The following SUSD5 variants were observed in gnomAD, a reference collection of about 807,000 sequenced individuals.
SUSD5 encodes sushi domain containing 5, also known as sushi domain-containing protein 5.
SUSD5 carries 33 observed loss-of-function variants against 29.5 expected under a neutral mutation model. That is an observed-to-expected ratio of 1.12 (90% CI 0.85 to 1.49). The LOEUF (loss-of-function observed/expected upper bound fraction) is 1.49. Ranked by LOEUF, SUSD5 falls within the 40% of genes most tolerant of loss-of-function variation. SUSD5 has a pLI of 0.00. For synonymous variants in SUSD5, 308 were observed against 325.3 expected, an observed-to-expected ratio of 0.95 and a Z score of 0.57; for missense variants, 776 against 800.6, an observed-to-expected ratio of 0.97 and a Z score of 0.37.
In SUSD5 at chr3:33,153,791, C is replaced by T. The variant is rs773419542; in HGVS notation, c.841G>A (p.Ala281Thr). Residue 281 changes from alanine (A) to threonine (T), a missense_variant, in exon 5 of 5, where the codon GCA becomes ACA. Coordinates refer to ENST00000309558, the MANE Select transcript of SUSD5 (RefSeq NM_015551.2). ...AGCAGCCGTGATCCTGGTGAATCTG[C>T]GGGGACACTGCTCCCAGCACCAGGC... ...GLPGAGSSVPADSPGSRLLQK... is the reference protein window; with the variant it reads ...GLPGAGSSVPTDSPGSRLLQK... 1.2e-5 allele frequency: 19 copies of T among 1,613,994 alleles called. No individual in the cohort carries two copies. Among genetic ancestry groups the T allele is most frequent in the Admixed American group, 8.3e-5 (5 of 60,016 alleles).
intron 3 of SUSD5, among the ~76,000 whole-genome samples, chr3:33,196,293 T>C (rs960752500): frequency 6.6e-6 from 1 of 152,212 alleles, no homozygotes; most frequent in African/African-American, 2.4e-5. Flanking sequence ...TGCCCACTAC[T>C]GACATAGCAA....
intron 4 of SUSD5, 29 bp downstream of exon 4, chr3:33,174,857 C>T (rs919713472): frequency 8.1e-6 from 13 of 1,610,188 alleles, no homozygotes; most frequent in East Asian, 2.2e-5. Context: ...CGTGGGCACG[C>T]GAAGGTGGCC....
chr3:33,169,670 T>C (rs2031381486), intron 4 of SUSD5, among the ~76,000 whole-genome samples: 1 of 152,246 alleles, frequency 6.6e-6, no homozygotes, highest in African/African-American at 2.4e-5. Flanking sequence ...AATGCCTAAC[T>C]GGGCAATGTG....
At chr3:33,187,773 A>G (rs1179974696) in intron 3 of SUSD5, among the ~76,000 whole-genome samples, 3 of 151,232 alleles carry the variant, frequency 2.0e-5, no homozygotes, top group East Asian at 1.9e-4. Flanking sequence ...ATTTAACGTT[A>G]GGTATATCTC....
At chr3:33,157,908 T>C (rs988403506) in intron 4 of SUSD5, among the ~76,000 whole-genome samples, 9 of 152,258 alleles carry the variant, frequency 5.9e-5, no homozygotes, top group Non-Finnish European at 1.2e-4. Context: ...AATAAATTGT[T>C]GTTTCATGCC....
intron 4 of SUSD5, among the ~76,000 whole-genome samples, chr3:33,165,019 C>A (rs557805600): frequency 1.2e-3 from 174 of 149,264 alleles, no homozygotes; most frequent in African/African-American, 4.1e-3. Flanking sequence ...TATGATCCAG[C>A]AATTCAACTC....
At chr3:33,199,542 G>C (rs1487668328) in intron 3 of SUSD5, among the ~76,000 whole-genome samples, 1 of 152,174 alleles carries the variant, frequency 6.6e-6, no homozygotes, top group Non-Finnish European at 1.5e-5. Flanking sequence ...CAAAGTGCTG[G>C]GATTACAGGC....
intron 3 of SUSD5, among the ~76,000 whole-genome samples, chr3:33,197,862 T>C (rs753761527): frequency 2.0e-5 from 3 of 152,236 alleles, no homozygotes; most frequent in Non-Finnish European, 4.4e-5. Flanking sequence ...TTTTGATCCA[T>C]TCATCAGTTG....
intron 3 of SUSD5, among the ~76,000 whole-genome samples, chr3:33,187,976 T>C (rs945947152): frequency 6.6e-6 from 1 of 152,172 alleles, no homozygotes; most frequent in Non-Finnish European, 1.5e-5. Context: ...AACACAGATT[T>C]AGGACCTGGG....
At chr3:33,182,968 T>C (rs1178141025) in intron 3 of SUSD5, among the ~76,000 whole-genome samples, 1 of 151,922 alleles carries the variant, frequency 6.6e-6, no homozygotes, top group East Asian at 1.9e-4. Flanking sequence ...TTGTATTTTT[T>C]TTTTTTTTAG....
intron 4 of SUSD5, among the ~76,000 whole-genome samples, chr3:33,156,541 G>A (rs1279978811): frequency 1.3e-5 from 2 of 152,202 alleles, no homozygotes; most frequent in Admixed American, 6.5e-5. Context: ...GAAGACAGCA[G>A]CAGCCCTTTG....
chr3:33,155,838 G>T (rs1427647510), intron 4 of SUSD5, among the ~76,000 whole-genome samples: 4 of 152,156 alleles, frequency 2.6e-5, no homozygotes, highest in Non-Finnish European at 5.9e-5. Flanking sequence ...TTAATCTATG[G>T]ATGTCGGAAC....
chr3:33,206,723 G>A (rs1211177991), intron 3 of SUSD5, among the ~76,000 whole-genome samples: 3 of 152,106 alleles, frequency 2.0e-5, no homozygotes, highest in Non-Finnish European at 4.4e-5. Context: ...GCAGCCAGAC[G>A]GTTTGTACTT....
intron 2 of SUSD5, 48 bp downstream of exon 2, chr3:33,213,880 G>T: frequency 6.5e-7 from 1 of 1,545,996 alleles, no homozygotes; most frequent in Non-Finnish European, 8.8e-7. Context: ...TATAAGCCTT[G>T]GTGGTGCAAC....
In SUSD5 at chr3:33,150,947, T is replaced by C. The variant is rs184060564; in HGVS notation, c.*1795A>G. The C allele has an allele frequency of 2.0e-4, 30 of 152,326 alleles. No individual in the cohort carries two copies. The highest frequency in any genetic ancestry group is 3.8e-4 in the Non-Finnish European group (26 of 68,028). 9.4% of individuals were successfully genotyped at this position (152,326 alleles called of 1,614,324 possible). On this transcript the variant is annotated 3_prime_UTR_variant, in exon 5 of 5. Transcript: ENST00000309558. ...TAACTATTTCTAAGAAGGTGATTCA[T>C]ATTAGAAAAATATAACATGTTTCAT...
At chr3:33,185,760 T>C (rs1247927039) in intron 3 of SUSD5, among the ~76,000 whole-genome samples, 2 of 152,230 alleles carry the variant, frequency 1.3e-5, no homozygotes, top group African/African-American at 2.4e-5. Flanking sequence ...ACATTAATAC[T>C]ATAATCTACT....
chr3:33,180,260 C>T (rs56068802), intron 3 of SUSD5, among the ~76,000 whole-genome samples: 23,216 of 152,130 alleles, frequency 0.15, 2,018 homozygotes, highest in South Asian at 0.26. Context: ...TGGGACAAGA[C>T]GTGAAGGTGT....
chr3:33,189,707 T>G (rs2031852993), intron 3 of SUSD5, among the ~76,000 whole-genome samples: 1 of 152,176 alleles, frequency 6.6e-6, no homozygotes, highest in South Asian at 2.1e-4. Context: ...AAAGAACCAT[T>G]TTAGATACAG....
chr3:33,184,787 T>C (rs2031744857), intron 3 of SUSD5, among the ~76,000 whole-genome samples: 3 of 152,220 alleles, frequency 2.0e-5, no homozygotes, highest in African/African-American at 7.2e-5. Flanking sequence ...TCTGTTGCTA[T>C]TACCCATCTG....
Sources: allele counts gnomAD v4.1 joint callset (sites outside exome capture counted in the v4.1 genomes callset), GRCh38; gene constraint gnomAD v4.1.1; transcripts MANE v1.5; gene names NCBI Gene and HGNC (gene_info 2026-07-23, HGNC 2026-07-21).